FBXL17: variants seen among roughly 807,000 people sequenced by gnomAD.
FBXL17 encodes the protein F-box and leucine rich repeat protein 17, also known as F-box/LRR-repeat protein 17.
A neutral mutation model predicts 66.2 loss-of-function variants in FBXL17; 22 were observed. The ratio of observed to expected loss-of-function variants is 0.33; its 90% CI spans 0.24 to 0.47. The LOEUF (loss-of-function observed/expected upper bound fraction) is 0.47. Among genes scored for constraint, FBXL17 ranks in the 20% least tolerant of loss-of-function variants. FBXL17 has a pLI of 1.00. For missense variants in FBXL17, 878 were observed against 948.2 expected (o/e 0.93, Z 0.97); for synonymous variants, 474 against 400.5 (o/e 1.18, Z -2.19).
chr5:108,218,016 C>CTTTTTTTTTTTTTTTTTTTTTTTTTT (rs752575685), intron 5 of FBXL17, among the ~76,000 whole-genome samples: 1 of 120,132 alleles, frequency 8.3e-6, no homozygotes, highest in Non-Finnish European at 1.7e-5. Flanking sequence ...AATTTTTTTT[C>CTTTTTTTTTTTTTTTTTTTTTTTTTT]TTTTTTTTTT....
intron 5 of FBXL17, among the ~76,000 whole-genome samples, chr5:108,208,394 T>C (rs1344745168): frequency 6.6e-6 from 1 of 152,228 alleles, no homozygotes; most frequent in Admixed American, 6.5e-5. Flanking sequence ...CCCATGCCTA[T>C]GCCCTGAATG....
intron 6 of FBXL17, among the ~76,000 whole-genome samples, chr5:108,059,526 T>A (rs1365606720): frequency 1.3e-5 from 2 of 152,182 alleles, no homozygotes; most frequent in Non-Finnish European, 2.9e-5. Context: ...CCTGGAATTC[T>A]CTGGAGGTCT....
intron 6 of FBXL17, among the ~76,000 whole-genome samples, chr5:108,163,069 C>G (rs1294407857): frequency 6.6e-6 from 1 of 152,142 alleles, no homozygotes; most frequent in Non-Finnish European, 1.5e-5. Context: ...AAAAAGTCAT[C>G]TAGTACCATT....
At chr5:108,033,740 G>C (rs1300646736) in intron 6 of FBXL17, among the ~76,000 whole-genome samples, 2 of 152,066 alleles carry the variant, frequency 1.3e-5, no homozygotes, top group Non-Finnish European at 2.9e-5. Flanking sequence ...CAGAATTTTA[G>C]TTGCTCCACA....
intron 5 of FBXL17, among the ~76,000 whole-genome samples, chr5:108,199,143 C>T (rs1011064773): frequency 3.3e-5 from 5 of 152,072 alleles, no homozygotes; most frequent in Non-Finnish European, 5.9e-5. Flanking sequence ...TAAATATCAA[C>T]TTATCATTTA....
At chr5:107,930,524 A>G (rs1750694539) in intron 7 of FBXL17, among the ~76,000 whole-genome samples, 1 of 152,230 alleles carries the variant, frequency 6.6e-6, no homozygotes, top group South Asian at 2.1e-4. Flanking sequence ...GATTGGTTCA[A>G]GTTTTCATGA....
At chr5:107,862,397 A>G (rs375657579) in intron 8 of FBXL17, among the ~76,000 whole-genome samples, 18 of 152,280 alleles carry the variant, frequency 1.2e-4, no homozygotes, top group African/African-American at 4.1e-4. Context: ...ATTAAAACAT[A>G]CATGGCTGGC....
At chr5:107,974,256 G>T (rs780194527) in intron 7 of FBXL17, among the ~76,000 whole-genome samples, 1 of 152,042 alleles carries the variant, frequency 6.6e-6, no homozygotes, top group African/African-American at 2.4e-5. Flanking sequence ...GACTGTGATA[G>T]TCAACAACGT....
At chr5:108,226,824 C>T (rs1755122290) in intron 4 of FBXL17, among the ~76,000 whole-genome samples, 1 of 152,140 alleles carries the variant, frequency 6.6e-6, no homozygotes, top group Non-Finnish European at 1.5e-5. Context: ...TCTTCTCCTG[C>T]CTTTGATTCA....
intron 7 of FBXL17, among the ~76,000 whole-genome samples, chr5:107,942,299 G>A (rs1203801309): frequency 6.6e-6 from 1 of 152,130 alleles, no homozygotes; most frequent in Non-Finnish European, 1.5e-5. Context: ...GGAGGGGAGA[G>A]ACCATGACAT....
intron 4 of FBXL17, among the ~76,000 whole-genome samples, chr5:108,290,819 A>G (rs549391895): frequency 3.1e-4 from 47 of 152,340 alleles, no homozygotes; most frequent in Admixed American, 1.4e-3. Context: ...TGTTTGAATT[A>G]CATCCTGTAA....
chr5:107,925,624 G>A (rs923908254), intron 7 of FBXL17, among the ~76,000 whole-genome samples: 4 of 152,196 alleles, frequency 2.6e-5, no homozygotes, highest in Middle Eastern at 3.4e-3. Context: ...TTTTCCTTTG[G>A]GTAGACAATC....
rs1442324241 is a variant in FBXL17, at chr5:108,381,682, G to T, written c.10C>A (p.Leu4Ile). The change falls in exon 1 of 9, where the codon CTT (leucine) becomes ATT (isoleucine). Residue 4 changes from leucine (L) to isoleucine (I), a missense_variant. Leu to Ile is a conservative substitution (Grantham distance 5). Coordinates refer to ENST00000542267, the MANE Select transcript of FBXL17 (RefSeq NM_001163315.3). Reference sequence around the variant, plus strand: ...CGGTTACGCGGCTCCTTCGAGAGAAGGTGGCCCATATAGAAGGCCCCGAGG... The same window carrying T: ...CGGTTACGCGGCTCCTTCGAGAGAATGTGGCCCATATAGAAGGCCCCGAGG... The part of the protein sequence containing the change: MGH[L>I]LSKEPRNRPS... 1 of 1,473,674 alleles carries T rather than the reference G, an allele frequency of 6.8e-7. No homozygotes were observed. Among genetic ancestry groups the T allele is most frequent in the South Asian group, 1.3e-5 (1 of 78,328 alleles). 91.3% of individuals were successfully genotyped at this position (1,473,674 alleles called of 1,614,324 possible). A position where few individuals can be genotyped will look rare whatever the true frequency, so the allele number is the denominator to read the frequency against.
chr5:108,317,118 A>G (rs2150210109), intron 4 of FBXL17, among the ~76,000 whole-genome samples: 1 of 151,432 alleles, frequency 6.6e-6, no homozygotes, highest in African/African-American at 2.4e-5. Context: ...AGAGATGCAA[A>G]GCTAAATCTT....
intron 7 of FBXL17, among the ~76,000 whole-genome samples, chr5:107,985,853 T>G (rs1414941641): frequency 6.6e-6 from 1 of 152,148 alleles, no homozygotes; most frequent in South Asian, 2.1e-4. Flanking sequence ...ATCCAGTGTG[T>G]GGGTAGAAAG....
chr5:108,067,342 A>G (rs1303179558), intron 6 of FBXL17, among the ~76,000 whole-genome samples: 2 of 152,188 alleles, frequency 1.3e-5, no homozygotes, highest in Non-Finnish European at 2.9e-5. Context: ...TGTTCCGATT[A>G]GTAAGCATAG....
chr5:107,995,357 A>G (rs1328456228), intron 7 of FBXL17, among the ~76,000 whole-genome samples: 1 of 152,206 alleles, frequency 6.6e-6, no homozygotes, highest in East Asian at 1.9e-4. Flanking sequence ...AATTTGGAAT[A>G]ATCTTGCATA....
chr5:108,207,647 C>A (rs1754179749), intron 5 of FBXL17, among the ~76,000 whole-genome samples: 1 of 152,146 alleles, frequency 6.6e-6, no homozygotes, highest in Admixed American at 6.5e-5. Flanking sequence ...CTGCAAAGGA[C>A]ATGAACTCAT....
intron 4 of FBXL17, among the ~76,000 whole-genome samples, chr5:108,343,281 C>T (rs1747008825): frequency 6.6e-6 from 1 of 152,104 alleles, no homozygotes; most frequent in South Asian, 2.1e-4. Context: ...TTTAGAATGC[C>T]ACATTCAAAT....
Sources: gnomAD v4.1 joint callset for allele counts (sites outside exome capture counted in the v4.1 genomes callset) on GRCh38, gnomAD v4.1.1 for gene constraint, MANE v1.5 for transcripts, NCBI Gene and HGNC (gene_info 2026-07-23, HGNC 2026-07-21) for gene names.